The following ZNF385D variants were observed in gnomAD, a reference collection of about 807,000 sequenced individuals.
ZNF385D encodes zinc finger protein 659.
ZNF385D carries 15 observed loss-of-function variants against 35.8 expected under a neutral mutation model. That is an observed-to-expected ratio of 0.42 (90% confidence interval 0.28 to 0.64). ZNF385D has a LOEUF of 0.64. ZNF385D is among the 30% of genes least tolerant of loss of function. The probability of loss-of-function intolerance (pLI) is 0.23; values close to 1 mark genes in which losing one functional copy is unlikely to be tolerated. For synonymous variants in ZNF385D, 212 were observed against 186.8 expected (o/e 1.13, Z -1.10); for missense variants, 474 against 494.6 (o/e 0.96, Z 0.39).
chr3:22,012,093 A>T (rs1482303168), intron 3 of ZNF385D, among the ~76,000 whole-genome samples: 1 of 152,196 alleles, frequency 6.6e-6, no homozygotes, highest in Non-Finnish European at 1.5e-5. Context: ...AACCATAGGT[A>T]GGCTCCAGGG....
chr3:22,332,722 G>A (rs1049736224), intron 2 of ZNF385D, among the ~76,000 whole-genome samples: 1 of 151,944 alleles, frequency 6.6e-6, no homozygotes, highest in Admixed American at 6.6e-5. Flanking sequence ...GGAAGCAAGT[G>A]GCTATACAAT....
At chr3:22,230,257 G>A (rs2125296184) in intron 2 of ZNF385D, among the ~76,000 whole-genome samples, 1 of 152,278 alleles carries the variant, frequency 6.6e-6, no homozygotes, top group African/African-American at 2.4e-5. Context: ...ACATGATTCT[G>A]TATAATGATA....
intron 4 of ZNF385D, among the ~76,000 whole-genome samples, chr3:21,477,150 A>G (rs1210194183): frequency 6.6e-6 from 1 of 152,094 alleles, no homozygotes; most frequent in Non-Finnish European, 1.5e-5. Context: ...AAGGTTGAGG[A>G]GGGTGGATCA....
chr3:21,451,255 T>A (rs1702441746), intron 4 of ZNF385D, among the ~76,000 whole-genome samples: 1 of 152,062 alleles, frequency 6.6e-6, no homozygotes, highest in African/African-American at 2.4e-5. Context: ...TATATCCTGT[T>A]AAGATTTCTG....
At chr3:21,773,979 T>C (rs564117012) in intron 3 of ZNF385D, among the ~76,000 whole-genome samples, 35 of 152,156 alleles carry the variant, frequency 2.3e-4, no homozygotes, top group Admixed American at 1.4e-3. Flanking sequence ...CATATGTTCA[T>C]TGCAGCACTA....
chr3:22,218,915 T>C (rs1698067654), intron 2 of ZNF385D, among the ~76,000 whole-genome samples: 1 of 152,186 alleles, frequency 6.6e-6, no homozygotes, highest in Non-Finnish European at 1.5e-5. Flanking sequence ...ATACATTTTG[T>C]AGATCATTGC....
chr3:22,008,890 T>C (rs547998546), intron 3 of ZNF385D, among the ~76,000 whole-genome samples: 9 of 152,124 alleles, frequency 5.9e-5, no homozygotes, highest in African/African-American at 2.2e-4. Flanking sequence ...AAGTAGAATA[T>C]CTGAAAATTA....
At chr3:22,058,201 T>C (rs1699508186) in intron 3 of ZNF385D, among the ~76,000 whole-genome samples, 1 of 152,358 alleles carries the variant, frequency 6.6e-6, no homozygotes, top group East Asian at 1.9e-4. Flanking sequence ...TCTAATTTGA[T>C]TTCTTGTTGA....
rs148567129 is a variant in ZNF385D, at chr3:21,500,467, T to C, written c.439+10394A>G. Among the ~76,000 whole-genome samples, 392 of 152,266 alleles carry C rather than the reference T, an allele frequency of 2.6e-3. 2 individuals carry two copies. Among genetic ancestry groups the C allele is most frequent in the African/African-American group, 9.0e-3 (373 of 41,560 alleles). On this transcript the variant is annotated intron_variant, in intron 4 of 7. Transcript: ENST00000281523. Reference sequence around the variant, plus strand: ...TTTCAGTGAGTGCTAGGAATGAGTTTATGCAGAAGCCTAGAAGTAGGAATG... The same window carrying C: ...TTTCAGTGAGTGCTAGGAATGAGTTCATGCAGAAGCCTAGAAGTAGGAATG...
intron 1 of ZNF385D, among the ~76,000 whole-genome samples, chr3:21,723,417 C>T (rs936702580): frequency 6.6e-6 from 1 of 152,044 alleles, no homozygotes; most frequent in Non-Finnish European, 1.5e-5. Flanking sequence ...AAAGGTTAGA[C>T]GAATTGCTAA....
chr3:21,929,179 T>G (rs1028231865), intron 3 of ZNF385D, among the ~76,000 whole-genome samples: 10 of 152,136 alleles, frequency 6.6e-5, no homozygotes, highest in Admixed American at 5.2e-4. Flanking sequence ...TACCCAGAAA[T>G]AAACTAATAT....
intron 3 of ZNF385D, among the ~76,000 whole-genome samples, chr3:22,022,684 T>C (rs192195099): frequency 6.6e-5 from 10 of 152,256 alleles, no homozygotes; most frequent in Non-Finnish European, 1.5e-4. Flanking sequence ...CTCAACATTG[T>C]ATATTATGTA....
chr3:21,769,034 C>T (rs774118355), intron 3 of ZNF385D, among the ~76,000 whole-genome samples: 16 of 152,120 alleles, frequency 1.1e-4, no homozygotes, highest in Admixed American at 2.0e-4. Flanking sequence ...TTTTTAGTTA[C>T]GTCCCATCAA....
intron 3 of ZNF385D, among the ~76,000 whole-genome samples, chr3:21,850,854 C>A (rs1178570795): frequency 1.3e-5 from 2 of 151,980 alleles, no homozygotes; most frequent in African/African-American, 4.8e-5. Context: ...AATTACAGAA[C>A]AGATCCACAA....
At chr3:21,451,162 G>A (rs368222924) in intron 4 of ZNF385D, among the ~76,000 whole-genome samples, 24 of 151,934 alleles carry the variant, frequency 1.6e-4, no homozygotes, top group African/African-American at 5.3e-4. Context: ...TCAATATGAC[G>A]AACCAATCAA....
At chr3:21,609,957 T>A (rs188415746) in intron 2 of ZNF385D, among the ~76,000 whole-genome samples, 1 of 152,302 alleles carries the variant, frequency 6.6e-6, no homozygotes, top group East Asian at 1.9e-4. Context: ...CTGTTTCCAG[T>A]TGCGCAGGCA....
At chr3:21,861,011 T>A (rs1216247671) in intron 3 of ZNF385D, among the ~76,000 whole-genome samples, 1 of 152,140 alleles carries the variant, frequency 6.6e-6, no homozygotes, top group Admixed American at 6.6e-5. Flanking sequence ...TTAAGTTACC[T>A]CTATACCTTG....
At chr3:21,808,008 G>A (rs763270904) in intron 3 of ZNF385D, among the ~76,000 whole-genome samples, 24 of 152,170 alleles carry the variant, frequency 1.6e-4, no homozygotes, top group Admixed American at 2.6e-4. Flanking sequence ...GACCAAATAT[G>A]TCTGAAAATA....
At chr3:21,973,072 C>G (rs542040582) in intron 3 of ZNF385D, among the ~76,000 whole-genome samples, 20 of 151,812 alleles carry the variant, frequency 1.3e-4, no homozygotes, top group Non-Finnish European at 2.5e-4. Flanking sequence ...TCTATGAGAT[C>G]AGGATTACAC....
Sources: gnomAD v4.1 joint callset for allele counts (sites outside exome capture counted in the v4.1 genomes callset) on GRCh38, gnomAD v4.1.1 for gene constraint, MANE v1.5 for transcripts, NCBI Gene and HGNC (gene_info 2026-07-23, HGNC 2026-07-21) for gene names.